BBX: variants seen among roughly 807,000 people sequenced by gnomAD.
BBX encodes HMG box transcription factor BBX.
Under a neutral mutation model 100.2 loss-of-function variants are expected in BBX, and 30 were observed. That is an observed-to-expected ratio of 0.30 (90% CI 0.22 to 0.41). BBX has a LOEUF of 0.41. BBX is among the 10% of genes least tolerant of loss of function. The pLI, the probability that BBX is intolerant of heterozygous loss-of-function variation, is 1.00. For missense variants in BBX, 1,023 were observed against 1,129.8 expected (o/e 0.91, Z 1.35); for synonymous variants, 376 against 388.1 (o/e 0.97, Z 0.37).
At chr3:107,610,650 T>C (rs1303278890) in intron 2 of BBX, among the ~76,000 whole-genome samples, 1 of 152,102 alleles carries the variant, frequency 6.6e-6, no homozygotes, top group Non-Finnish European at 1.5e-5. Flanking sequence ...TTGTCTGATA[T>C]AGGTATAGCC....
chr3:107,628,526 A>G (rs1215563933), intron 2 of BBX, among the ~76,000 whole-genome samples: 1 of 152,096 alleles, frequency 6.6e-6, no homozygotes, highest in African/African-American at 2.4e-5. Flanking sequence ...TATCTTTTTT[A>G]TATGTACCAT....
intron 7 of BBX, among the ~76,000 whole-genome samples, chr3:107,742,053 C>T (rs2064152519): frequency 1.3e-5 from 2 of 152,272 alleles, no homozygotes; most frequent in South Asian, 4.1e-4. Flanking sequence ...CTGTATCACA[C>T]AGATTTCTGC....
intron 10 of BBX, among the ~76,000 whole-genome samples, chr3:107,758,021 C>G (rs1042723964): frequency 1.3e-4 from 20 of 152,196 alleles, no homozygotes; most frequent in Non-Finnish European, 1.5e-5. Context: ...CTTATCCCCA[C>G]TCCAATCTCA....
At chr3:107,567,519 G>C (rs886761959) in intron 2 of BBX, among the ~76,000 whole-genome samples, 7 of 152,042 alleles carry the variant, frequency 4.6e-5, no homozygotes, top group African/African-American at 1.7e-4. Context: ...CTAAAGATTT[G>C]CTTCTTGATT....
chr3:107,568,168 T>C (rs2051060534), intron 2 of BBX, among the ~76,000 whole-genome samples: 1 of 152,266 alleles, frequency 6.6e-6, no homozygotes, highest in Admixed American at 6.5e-5. Flanking sequence ...GTTTTAGGTG[T>C]TTTTGTTTTT....
chr3:107,550,647 A>G (rs773629100), intron 2 of BBX, among the ~76,000 whole-genome samples: 12 of 152,192 alleles, frequency 7.9e-5, no homozygotes, highest in Non-Finnish European at 1.5e-4. Context: ...TACAAGGGAA[A>G]TGTATCTTCT....
intron 2 of BBX, among the ~76,000 whole-genome samples, chr3:107,637,477 T>C (rs930337800): frequency 6.6e-6 from 1 of 152,204 alleles, no homozygotes. Context: ...ATTGATCATA[T>C]TCCAGAAGGG....
intron 10 of BBX, among the ~76,000 whole-genome samples, chr3:107,760,696 G>T (rs1435001723): frequency 1.2e-5 from 1 of 80,212 alleles, no homozygotes; most frequent in Non-Finnish European, 2.5e-5. Context: ...ATGTTCTGGA[G>T]ACCAAGCACA....
intron 2 of BBX, among the ~76,000 whole-genome samples, chr3:107,640,727 A>G (rs1209748143): frequency 2.0e-5 from 3 of 152,098 alleles, no homozygotes; most frequent in Admixed American, 6.6e-5. Flanking sequence ...CAGTAGTACA[A>G]TCTTGGTTAC....
chr3:107,752,667 G>A (rs1033672035), intron 9 of BBX, among the ~76,000 whole-genome samples: 8 of 152,152 alleles, frequency 5.3e-5, no homozygotes, highest in Admixed American at 3.9e-4. Context: ...CACCCACCCT[G>A]TAGCTAGACT....
chr3:107,548,753 A>G (rs1231961664), intron 2 of BBX, among the ~76,000 whole-genome samples: 1 of 152,216 alleles, frequency 6.6e-6, no homozygotes, highest in African/African-American at 2.4e-5. Context: ...GCCCATCAAC[A>G]GTGGATTGGA....
At chr3:107,705,311 A>G (rs1432832131) in intron 3 of BBX, among the ~76,000 whole-genome samples, 1 of 152,174 alleles carries the variant, frequency 6.6e-6, no homozygotes, top group Admixed American at 6.5e-5. Context: ...AATTTTAATG[A>G]CCAGGATTTG....
chr3:107,573,723 A>T (rs1056878337), intron 2 of BBX, among the ~76,000 whole-genome samples: 4 of 152,268 alleles, frequency 2.6e-5, no homozygotes, highest in East Asian at 1.9e-4. Context: ...CCTAATTTAA[A>T]ATCTCTCTCT....
chr3:107,734,974 C>T (rs2063547281), intron 7 of BBX, among the ~76,000 whole-genome samples: 1 of 152,084 alleles, frequency 6.6e-6, no homozygotes, highest in African/African-American at 2.4e-5. Flanking sequence ...AGAATCTATG[C>T]TAAGGAAGAA....
chr3:107,571,597 GGC>G (rs2051367744), intron 2 of BBX, among the ~76,000 whole-genome samples: 1 of 152,164 alleles, frequency 6.6e-6, no homozygotes, highest in South Asian at 2.1e-4. Flanking sequence ...ATATTCCTTG[GGC>G]TGATTGGTCT....
At position 107,544,911 on chromosome 3, in the gene BBX, G is replaced by A. The variant is rs565286408; in HGVS notation, c.-84+18513G>A. On this transcript the variant is annotated intron_variant, in intron 2 of 17. Coordinates refer to ENST00000325805, the MANE Select transcript of BBX (RefSeq NM_001142568.3). ...GGGCACCTGTAGTCCCAGCTACTCA[G>A]GAGGCTGAGGCAGGAGAATGGCATG... Among the ~76,000 whole-genome samples the A allele has an allele frequency of 6.5e-3, 993 of 151,726 alleles. 3 individuals are homozygous for A. Among genetic ancestry groups the A allele is most frequent in the Middle Eastern group, 0.01 (3 of 290 alleles).
At chr3:107,704,645 A>G (rs1400851942) in intron 3 of BBX, among the ~76,000 whole-genome samples, 2 of 152,184 alleles carry the variant, frequency 1.3e-5, no homozygotes, top group Non-Finnish European at 2.9e-5. Context: ...TCTGGTGATG[A>G]CTAATTCACT....
intron 3 of BBX, among the ~76,000 whole-genome samples, chr3:107,658,174 G>T (rs535268476): frequency 2.0e-5 from 3 of 152,216 alleles, no homozygotes; most frequent in Admixed American, 2.0e-4. Context: ...CTGAAACTGT[G>T]TGTTGAGTCA....
intron 3 of BBX, among the ~76,000 whole-genome samples, chr3:107,649,074 C>T (rs530772449): frequency 3.3e-5 from 5 of 152,300 alleles, no homozygotes; most frequent in East Asian, 1.9e-4. Context: ...AGGAAAGGCA[C>T]GTCTTACGTG....
Sources: allele counts gnomAD v4.1 joint callset (sites outside exome capture counted in the v4.1 genomes callset), GRCh38; gene constraint gnomAD v4.1.1; transcripts MANE v1.5; gene names NCBI Gene and HGNC (gene_info 2026-07-23, HGNC 2026-07-21).